HDAC8: variants seen among roughly 807,000 people sequenced by gnomAD.
The protein encoded by HDAC8 is histone deacetylase 8.
A neutral mutation model predicts 32.2 loss-of-function variants in HDAC8; 1 was observed. The ratio of observed to expected loss-of-function variants is 0.03; its 90% CI spans 0.01 to 0.15. HDAC8 has a LOEUF of 0.15. HDAC8 is among the 10% of genes least tolerant of loss of function. HDAC8 has a pLI of 1.00. For missense variants in HDAC8, 117 were observed against 300.0 expected, an observed-to-expected ratio of 0.39 and a Z score of 4.51; for synonymous variants, 108 against 113.9, an observed-to-expected ratio of 0.95 and a Z score of 0.33.
At chrX:72,368,680 T>C (rs2044776988) in intron 9 of HDAC8, among the ~76,000 whole-genome samples, 1 of 112,495 alleles carries the variant, frequency 8.9e-6, no homozygotes, top group African/African-American at 3.2e-5. Flanking sequence ...TACAGCCCTC[T>C]GGCCTACTCT....
At chrX:72,425,696 C>A (rs2046619836) in intron 9 of HDAC8, among the ~76,000 whole-genome samples, 1 of 111,857 alleles carries the variant, frequency 8.9e-6, no homozygotes, top group African/African-American at 3.3e-5. Flanking sequence ...ACAGAGGTTT[C>A]TATGGATTTC....
chrX:72,509,038 TC>T (rs1457546363), intron 4 of HDAC8, among the ~76,000 whole-genome samples: 4 of 111,165 alleles, frequency 3.6e-5, no homozygotes, highest in Non-Finnish European at 3.8e-5. Flanking sequence ...CAAAAGTTTT[TC>T]CTGCCCTGTT....
chrX:72,543,482 T>A (rs577363117), intron 4 of HDAC8, among the ~76,000 whole-genome samples: 2 of 110,679 alleles, frequency 1.8e-5, no homozygotes, highest in African/African-American at 6.6e-5. Flanking sequence ...GCCAAGAGGG[T>A]AAGAGGGATC....
intron 9 of HDAC8, among the ~76,000 whole-genome samples, chrX:72,370,046 C>G (rs994889105): frequency 8.9e-6 from 1 of 111,767 alleles, no homozygotes; most frequent in East Asian, 2.8e-4. Context: ...TATTGGGGAA[C>G]AGAAAAAGGA....
intron 4 of HDAC8, among the ~76,000 whole-genome samples, chrX:72,535,352 T>C (rs1482583541): frequency 9.0e-6 from 1 of 111,638 alleles, no homozygotes; most frequent in Non-Finnish European, 1.9e-5. Context: ...TCCCAGAAAT[T>C]GGAAATGGCT....
intron 10 of HDAC8, among the ~76,000 whole-genome samples, chrX:72,342,464 C>G (rs2043911373): frequency 8.9e-6 from 1 of 112,489 alleles, no homozygotes; most frequent in Admixed American, 9.4e-5. Flanking sequence ...TCTCAGTTGT[C>G]TAAAGAGCCT....
chrX:72,429,470 CTA>C (rs1467189943), intron 9 of HDAC8, among the ~76,000 whole-genome samples: 1 of 112,025 alleles, frequency 8.9e-6, no homozygotes, highest in East Asian at 2.8e-4. Context: ...GTGCCCGAGT[CTA>C]TCTTTTGCTA....
At chrX:72,416,406 C>CTATTTTTTTTTTTTTTTTTTTT (rs2046334576) in intron 9 of HDAC8, among the ~76,000 whole-genome samples, 1 of 2,114 alleles carries the variant, frequency 4.7e-4, no homozygotes, top group Non-Finnish European at 1.1e-3. Flanking sequence ...TGTGTCTTCT[C>CTATTTTTTTTTTTTTTTTTTTT]TGTTTTTTTT....
chrX:72,352,646 AAAG>A (rs2044217028), intron 9 of HDAC8, among the ~76,000 whole-genome samples: 1 of 112,091 alleles, frequency 8.9e-6, no homozygotes. Context: ...CAGGAATGGC[AAAG>A]AAGTCTAGTT....
chrX:72,339,008 C>T (rs564638046), intron 10 of HDAC8, among the ~76,000 whole-genome samples: 8 of 111,091 alleles, frequency 7.2e-5, no homozygotes, highest in South Asian at 7.5e-4. Flanking sequence ...TTAAAGCATA[C>T]GTTAAAATAA....
chrX:72,380,308 C>T (rs950348796), intron 9 of HDAC8, among the ~76,000 whole-genome samples: 6 of 111,915 alleles, frequency 5.4e-5, no homozygotes, highest in Admixed American at 1.9e-4. Flanking sequence ...AAGTTTTTCA[C>T]ACTGAGCACA....
intron 4 of HDAC8, among the ~76,000 whole-genome samples, chrX:72,513,630 GT>G (rs1181728119): frequency 1.8e-5 from 2 of 110,144 alleles, no homozygotes; most frequent in Non-Finnish European, 3.8e-5. Flanking sequence ...GCCTGGCCAA[GT>G]TTTTTTTTAA....
chrX:72,557,166 G>C (rs1273401027), intron 4 of HDAC8, among the ~76,000 whole-genome samples: 1 of 111,387 alleles, frequency 9.0e-6, no homozygotes, highest in Non-Finnish European at 1.9e-5. Context: ...CTGTGCCACT[G>C]CACTCCAGCC....
chrX:72,489,317 A>G, intron 6 of HDAC8: 1 of 398,928 alleles, frequency 2.5e-6, no homozygotes, highest in East Asian at 5.5e-5. Context: ...TATCACTGCA[A>G]TTATTCAGGA....
Position 72,473,723 on chromosome X carries a change from C to T in HDAC8, c.738-8992G>A, listed in dbSNP as rs2048249764. The T allele has an allele frequency of 8.0e-6, 6 of 752,721 alleles. No individual in the cohort carries two copies. The African/African-American group carries it at 9.2e-5, about 12-fold the overall frequency. The allele number at this position is 752,721 out of a possible 1,213,427, so 62.0% of individuals were successfully genotyped here. On this transcript the variant is annotated intron_variant, in intron 7 of 10. Transcript: ENST00000373573. The stretch of plus-strand genomic sequence containing the variant: ...GATACTATGTCAGCCACTTTACCCA[C>T]ATTATGTCAATATAACAGCAGATGC...
chrX:72,458,849 G>A (rs999022496), intron 9 of HDAC8, among the ~76,000 whole-genome samples: 4 of 112,187 alleles, frequency 3.6e-5, no homozygotes, highest in Non-Finnish European at 7.5e-5. Context: ...AAGCTCATTT[G>A]TTTTCACAGA....
chrX:72,416,723 T>C (rs1055472474), intron 9 of HDAC8, among the ~76,000 whole-genome samples: 1 of 107,923 alleles, frequency 9.3e-6, no homozygotes, highest in African/African-American at 3.4e-5. Flanking sequence ...CTACATATTT[T>C]GACACGTTGT....
At chrX:72,569,620 T>C (rs1556146099) in intron 2 of HDAC8, among the ~76,000 whole-genome samples, 1 of 112,270 alleles carries the variant, frequency 8.9e-6, no homozygotes, top group African/African-American at 3.2e-5. Context: ...GGAACCGGAC[T>C]TCACTCAGAA....
intron 4 of HDAC8, among the ~76,000 whole-genome samples, chrX:72,549,351 G>C (rs189903533): frequency 7.5e-5 from 8 of 107,221 alleles, no homozygotes; most frequent in Admixed American, 1.0e-4. Flanking sequence ...TGATTTTATT[G>C]ATTTCCTTAG....
Sources: allele counts gnomAD v4.1 joint callset (sites outside exome capture counted in the v4.1 genomes callset), GRCh38; gene constraint gnomAD v4.1.1; transcripts MANE v1.5; gene names NCBI Gene and HGNC (gene_info 2026-07-23, HGNC 2026-07-21).